The following USP6NL variants were observed in gnomAD, a reference collection of about 807,000 sequenced individuals.
USP6NL encodes USP6 N-terminal-like protein.
USP6NL carries 26 observed loss-of-function variants against 61.9 expected under a neutral mutation model. That is an observed-to-expected ratio of 0.42 (90% confidence interval 0.31 to 0.58). The LOEUF is 0.58. USP6NL is among the 20% of genes least tolerant of loss of function. USP6NL has a pLI of 0.16. For synonymous variants in USP6NL, 432 were observed against 390.1 expected, an observed-to-expected ratio of 1.11 and a Z score of -1.27; for missense variants, 1,114 against 1,034.3, an observed-to-expected ratio of 1.08 and a Z score of -1.06.
At position 11,513,036 on chromosome 10, in the gene USP6NL, A is replaced by G. The variant is rs1834794092; in HGVS notation, c.196-3361T>C. Among the ~76,000 whole-genome samples, 1 of 152,266 alleles carries G rather than the reference A, an allele frequency of 6.6e-6. No homozygotes were observed. Among genetic ancestry groups the G allele is most frequent in the Non-Finnish European group, 1.5e-5 (1 of 68,052 alleles). ...GCCTAAATGCCCAAATTGTATTATC[A>G]AAGTATGAACTCCTTGACTACAGAG... On this transcript the variant is annotated intron_variant, in intron 5 of 14. Transcript: ENST00000609104. This position sits in a 1 kb window ranked among gnomAD's most constrained non-coding sequence, Gnocchi z 4.7.
At chr10:11,608,389 G>A (rs1838774323) in intron 1 of USP6NL, among the ~76,000 whole-genome samples, 1 of 152,190 alleles carries the variant, frequency 6.6e-6, no homozygotes, top group Admixed American at 6.5e-5. Context: ...ACAGTGCCAA[G>A]GGCCTTCTCC....
intron 2 of USP6NL, among the ~76,000 whole-genome samples, chr10:11,556,601 T>C (rs1195325212): frequency 6.6e-6 from 1 of 152,230 alleles, no homozygotes; most frequent in South Asian, 2.1e-4. Context: ...CATGTAAGCA[T>C]GAAACTAAAG....
chr10:11,506,914 A>C (rs1411793619), intron 6 of USP6NL, among the ~76,000 whole-genome samples: 3 of 152,206 alleles, frequency 2.0e-5, no homozygotes, highest in Non-Finnish European at 2.9e-5. Context: ...TAGTTTTTTT[A>C]CTTGAATGCA....
At chr10:11,570,890 C>G (rs1458491667) in intron 2 of USP6NL, among the ~76,000 whole-genome samples, 2 of 152,146 alleles carry the variant, frequency 1.3e-5, no homozygotes, top group African/African-American at 2.4e-5. Flanking sequence ...TCGCCCCATC[C>G]TTTTCCCTGG....
intron 2 of USP6NL, among the ~76,000 whole-genome samples, chr10:11,559,054 G>A (rs563465164): frequency 2.6e-5 from 4 of 152,130 alleles, no homozygotes; most frequent in East Asian, 3.9e-4. Flanking sequence ...TCAAAATATC[G>A]GAAACAAGAC....
At chr10:11,583,829 A>C (rs1837874050) in intron 2 of USP6NL, among the ~76,000 whole-genome samples, 1 of 152,074 alleles carries the variant, frequency 6.6e-6, no homozygotes, top group Non-Finnish European at 1.5e-5. Context: ...GGAGCTCAAG[A>C]CCAGCCTGGC....
At chr10:11,547,526 A>G (rs1179085347) in intron 2 of USP6NL, among the ~76,000 whole-genome samples, 1 of 150,784 alleles carries the variant, frequency 6.6e-6, no homozygotes, top group Non-Finnish European at 1.5e-5. Flanking sequence ...AATCAAGCTC[A>G]TAAAGCATTT....
rs1834077156 is a variant in USP6NL, at chr10:11,499,346, A to G, written c.384+1755T>C. On this transcript the variant is annotated intron_variant, in intron 7 of 14. Transcript: ENST00000609104. This position sits in a 1 kb window ranked among gnomAD's most constrained non-coding sequence, Gnocchi z 4.5. ...TGTAGTTGCTGTCAGATTTTACTAA[A>G]TGGTTCTCTTGTATTAACTGGCCAT... Among the ~76,000 whole-genome samples, 1 of 152,232 alleles carries G rather than the reference A, an allele frequency of 6.6e-6. No individual in the cohort carries two copies. Among genetic ancestry groups the G allele is most frequent in the Admixed American group, 6.5e-5 (1 of 15,278 alleles).
intron 14 of USP6NL, among the ~76,000 whole-genome samples, chr10:11,471,424 C>T (rs1270089918): frequency 1.3e-5 from 2 of 152,130 alleles, no homozygotes; most frequent in Non-Finnish European, 2.9e-5. Flanking sequence ...GTGGCGATTC[C>T]TCAAGGATCT....
chr10:11,515,121 T>A (rs1834899111), intron 5 of USP6NL, among the ~76,000 whole-genome samples: 1 of 152,166 alleles, frequency 6.6e-6, no homozygotes, highest in Non-Finnish European at 1.5e-5. Flanking sequence ...CCTCTCAACC[T>A]CCAGTGATCT....
At chr10:11,546,206 TAA>T (rs1836265749) in intron 2 of USP6NL, among the ~76,000 whole-genome samples, 1 of 152,120 alleles carries the variant, frequency 6.6e-6, no homozygotes, top group Admixed American at 6.5e-5. Context: ...ATCCTTACCA[TAA>T]GAGATGTGTT....
At chr10:11,560,437 G>C (rs1434111734) in intron 2 of USP6NL, among the ~76,000 whole-genome samples, 1 of 151,956 alleles carries the variant, frequency 6.6e-6, no homozygotes, top group Admixed American at 6.6e-5. Flanking sequence ...TGTCAGCAAA[G>C]TCAAGAATCA....
chr10:11,573,282 C>G (rs901452128), intron 2 of USP6NL, among the ~76,000 whole-genome samples: 4 of 152,054 alleles, frequency 2.6e-5, no homozygotes, highest in Admixed American at 6.5e-5. Context: ...ATGAGGATTA[C>G]AAAAATTATT....
At chr10:11,503,147 A>T (rs1381072873) in intron 6 of USP6NL, among the ~76,000 whole-genome samples, 1 of 152,208 alleles carries the variant, frequency 6.6e-6, no homozygotes, top group Non-Finnish European at 1.5e-5. Flanking sequence ...TACTGCAGGC[A>T]ACTGATTTGA....
chr10:11,515,285 G>A (rs1248418706), intron 5 of USP6NL, among the ~76,000 whole-genome samples: 4 of 152,208 alleles, frequency 2.6e-5, no homozygotes, highest in Admixed American at 1.3e-4. Flanking sequence ...GGCTAGACAC[G>A]TACACAATGC....
chr10:11,609,223 G>A (rs949291059), intron 1 of USP6NL, among the ~76,000 whole-genome samples: 9 of 151,950 alleles, frequency 5.9e-5, no homozygotes, highest in African/African-American at 1.9e-4. Context: ...CACCACTACC[G>A]CCCAGCTAAT....
rs1425473530 is a variant in USP6NL at position 11,602,066 on chromosome 10, CAT to C, written c.-83-4351_-83-4350del. Among the ~76,000 whole-genome samples the C allele has an allele frequency of 1.3e-5, 2 of 152,170 alleles. No homozygotes were observed. The highest frequency in any genetic ancestry group is 1.5e-5 in the Non-Finnish European group (1 of 68,004). On this transcript the variant is annotated intron_variant, in intron 1 of 14. Coordinates refer to ENST00000609104, the MANE Select transcript of USP6NL (RefSeq NM_014688.5). The surrounding 1 kb of genome is among the most constrained non-coding windows in gnomAD (Gnocchi z 4.8). Reference sequence around the variant, plus strand: ...CAATATATATACATACATATACATACATATACACACACACACACGTCCAAATA... The same window carrying C: ...CAATATATATACATACATATACATACATACACACACACACACGTCCAAATA...
chr10:11,525,480 C>CACAAAAAAAG lies in USP6NL; in HGVS notation c.73-22_73-13dup, dbSNP rs774075262. 3.9e-6 allele frequency: 6 copies of CACAAAAAAAG among 1,555,654 alleles called. No individual in the cohort carries two copies. The South Asian group carries it at 7.5e-5, about 19-fold the overall frequency. The stretch of plus-strand genomic sequence containing the variant: ...GCACCTTCTCGTCCCTAAAATAAGG[C>CACAAAAAAAG]ACAAAAAAAGGTGTTAATCAGAGTT... On this transcript the variant is annotated splice_polypyrimidine_tract_variant and intron_variant, in intron 3 of 14. Coordinates refer to ENST00000609104, the MANE Select transcript of USP6NL (RefSeq NM_014688.5). The surrounding 1 kb of genome is among the most constrained non-coding windows in gnomAD (Gnocchi z 5.0).
In USP6NL at chr10:11,471,924, A is replaced by G. The variant is rs1342849118; in HGVS notation, c.1079-8075T>C. On this transcript the variant is annotated intron_variant, in intron 14 of 14. Coordinates refer to ENST00000609104, the MANE Select transcript of USP6NL (RefSeq NM_014688.5). The stretch of plus-strand genomic sequence containing the variant: ...ACACCAACATGGCACATGTATACAT[A>G]TGTAACAAACCTGCACATTGTGCAC... Among the ~76,000 whole-genome samples, 6 of 151,520 alleles carry G rather than the reference A, an allele frequency of 4.0e-5. No individual in the cohort carries two copies. In the East Asian group the frequency reaches 1.2e-3, roughly 30 times the overall value.
Sources: allele counts gnomAD v4.1 joint callset (sites outside exome capture counted in the v4.1 genomes callset), GRCh38; gene constraint gnomAD v4.1.1; non-coding constraint Gnocchi (gnomAD v3.1); transcripts MANE v1.5; gene names NCBI Gene and HGNC (gene_info 2026-07-23, HGNC 2026-07-21).